Variants in ZRANB3 observed in about 807,000 individuals in gnomAD.
ZRANB3 encodes zinc finger RANBP2-type containing 3, also known as DNA annealing helicase and endonuclease ZRANB3.
ZRANB3 carries 125 observed loss-of-function variants against 133.8 expected under a neutral mutation model. The ratio of observed to expected loss-of-function variants is 0.93; its 90% CI spans 0.81 to 1.08. ZRANB3 has a LOEUF of 1.08. Ranked by LOEUF, ZRANB3 falls within the 50% of genes least tolerant of loss-of-function variation. The probability of loss-of-function intolerance (pLI) is 0.00; values close to 1 mark genes in which losing one functional copy is unlikely to be tolerated. For synonymous variants in ZRANB3, 387 were observed against 432.7 expected, an observed-to-expected ratio of 0.89 and a Z score of 1.31; for missense variants, 1,229 against 1,275.5, an observed-to-expected ratio of 0.96 and a Z score of 0.56.
At chr2:135,478,913 G>T (rs1019536162) in intron 2 of ZRANB3, among the ~76,000 whole-genome samples, 1 of 151,436 alleles carries the variant, frequency 6.6e-6, no homozygotes, top group African/African-American at 2.4e-5. Context: ...TGTTCTATAT[G>T]TATATATGTA....
intron 2 of ZRANB3, among the ~76,000 whole-genome samples, chr2:135,447,352 G>A (rs768176864): frequency 3.3e-5 from 5 of 152,000 alleles, no homozygotes; most frequent in Non-Finnish European, 7.4e-5. Flanking sequence ...ACTTTATTAA[G>A]TTTTAAAATA....
intron 2 of ZRANB3, 40 bp from the exon 3 acceptor site, chr2:135,390,860 AC>A: frequency 2.7e-6 from 4 of 1,500,340 alleles, no homozygotes; most frequent in Non-Finnish European, 3.5e-6. Flanking sequence ...ATCAGAGTGA[AC>A]CTTTTTCCTT....
intron 6 of ZRANB3, among the ~76,000 whole-genome samples, chr2:135,325,585 T>C (rs1394941008): frequency 6.6e-6 from 1 of 152,088 alleles, no homozygotes; most frequent in South Asian, 2.1e-4. Context: ...TTAGTAGAGA[T>C]GGGGTTTCAC....
chr2:135,328,512 A>C (rs1424732052), intron 6 of ZRANB3, among the ~76,000 whole-genome samples: 7 of 152,130 alleles, frequency 4.6e-5, no homozygotes. Flanking sequence ...GAATAGTGCC[A>C]CAATAAAGAT....
chr2:135,514,853 G>T (rs1693635436), intron 1 of ZRANB3, among the ~76,000 whole-genome samples: 2 of 151,992 alleles, frequency 1.3e-5, no homozygotes, highest in Non-Finnish European at 2.9e-5. Flanking sequence ...GCATGAAGGG[G>T]TGTTGAATTT....
At chr2:135,321,221 T>C (rs748726631) in intron 6 of ZRANB3, among the ~76,000 whole-genome samples, 60 of 152,304 alleles carry the variant, frequency 3.9e-4, no homozygotes, top group Non-Finnish European at 6.5e-4. Flanking sequence ...TCCAAAGTGG[T>C]TGAACATTTT....
chr2:135,217,046 T>A (rs1212743479), intron 17 of ZRANB3, among the ~76,000 whole-genome samples: 1 of 152,230 alleles, frequency 6.6e-6, no homozygotes, highest in African/African-American at 2.4e-5. Flanking sequence ...TGGTGATGCA[T>A]TCAAATAGAA....
chr2:135,504,440 C>T lies in ZRANB3; in HGVS notation c.50G>A (p.Cys17Tyr), dbSNP rs921167319. 2 of 1,613,386 alleles carry T rather than the reference C, an allele frequency of 1.2e-6. No individual in the cohort carries two copies. Among genetic ancestry groups the T allele is most frequent in the Middle Eastern group, 1.6e-4 (1 of 6,080 alleles). ...CAGATTATCAGATTCATTTGTCACA[C>T]AAGAAATGTGAGGTGTAAGAGACTT... ...IKKSLTPHIS[C>Y]VTNESDNLLD... is the part of the protein sequence containing the mutation. Residue 17 changes from cysteine to tyrosine, a missense_variant, in exon 2 of 21, where the codon TGT (cysteine) becomes TAT (tyrosine). Transcript: ENST00000264159.
intron 2 of ZRANB3, among the ~76,000 whole-genome samples, chr2:135,405,956 GA>G (rs1347931326): frequency 6.6e-6 from 1 of 152,106 alleles, no homozygotes; most frequent in Non-Finnish European, 1.5e-5. Context: ...CAGAAGGCAA[GA>G]AATAACTAAG....
intron 2 of ZRANB3, among the ~76,000 whole-genome samples, chr2:135,419,397 T>C (rs1688737518): frequency 6.6e-6 from 1 of 151,966 alleles, no homozygotes; most frequent in South Asian, 2.1e-4. Context: ...TGTTTATGTG[T>C]GTGTGTGTGT....
At chr2:135,306,772 T>C (rs1682726954) in intron 8 of ZRANB3, among the ~76,000 whole-genome samples, 1 of 152,118 alleles carries the variant, frequency 6.6e-6, no homozygotes, top group Admixed American at 6.6e-5. Context: ...GTATTTCTGG[T>C]AGAGACAGGG....
At chr2:135,352,020 T>C (rs1437104751) in intron 4 of ZRANB3, among the ~76,000 whole-genome samples, 1 of 152,138 alleles carries the variant, frequency 6.6e-6, no homozygotes, top group African/African-American at 2.4e-5. Context: ...TTAAGAAAAT[T>C]TAAATGTGAA....
At chr2:135,274,753 C>A (rs1384849082) in intron 9 of ZRANB3, among the ~76,000 whole-genome samples, 1 of 151,994 alleles carries the variant, frequency 6.6e-6, no homozygotes, top group African/African-American at 2.4e-5. Flanking sequence ...TCTGGTTTTC[C>A]TAGGCAGAGG....
At chr2:135,274,281 C>A (rs1680675086) in intron 9 of ZRANB3, among the ~76,000 whole-genome samples, 1 of 152,204 alleles carries the variant, frequency 6.6e-6, no homozygotes, top group African/African-American at 2.4e-5. Flanking sequence ...TGCAGTAAAG[C>A]CACATGGCTT....
chr2:135,394,867 C>T (rs1168186738), intron 2 of ZRANB3, among the ~76,000 whole-genome samples: 1 of 147,950 alleles, frequency 6.8e-6, no homozygotes, highest in Non-Finnish European at 1.5e-5. Flanking sequence ...TCCATAATCC[C>T]GAAGTGCTTT....
intron 2 of ZRANB3, among the ~76,000 whole-genome samples, chr2:135,447,795 T>C (rs765401910): frequency 1.3e-5 from 2 of 152,230 alleles, no homozygotes; most frequent in Non-Finnish European, 2.9e-5. Flanking sequence ...AAATGACCAG[T>C]CTCTCTTCAC....
chr2:135,405,716 G>A (rs962543876), intron 2 of ZRANB3, among the ~76,000 whole-genome samples: 3 of 152,170 alleles, frequency 2.0e-5, no homozygotes, highest in Non-Finnish European at 4.4e-5. Flanking sequence ...GCTCCTGAAT[G>A]ACTACTGGGT....
At chr2:135,393,033 G>A (rs990305229) in intron 2 of ZRANB3, among the ~76,000 whole-genome samples, 1 of 151,710 alleles carries the variant, frequency 6.6e-6, no homozygotes, top group Admixed American at 6.6e-5. Flanking sequence ...ACCACACCCA[G>A]CTATTTTTTT....
chr2:135,322,329 A>C (rs1335289351), intron 6 of ZRANB3, among the ~76,000 whole-genome samples: 1 of 152,102 alleles, frequency 6.6e-6, no homozygotes, highest in African/African-American at 2.4e-5. Context: ...TTTGCATATA[A>C]ATTTTAGATT....
Sources: gnomAD v4.1 joint callset for allele counts (sites outside exome capture counted in the v4.1 genomes callset) on GRCh38, gnomAD v4.1.1 for gene constraint, MANE v1.5 for transcripts, NCBI Gene and HGNC (gene_info 2026-07-23, HGNC 2026-07-21) for gene names.